The following EXOC2 variants were observed in gnomAD, a reference collection of about 807,000 sequenced individuals.
The protein encoded by EXOC2 is exocyst complex component 2.
Under a neutral mutation model 131.8 loss-of-function variants are expected in EXOC2, and 70 were observed. The observed-to-expected ratio is 0.53, with a 90% CI of 0.44 to 0.65. The LOEUF (loss-of-function observed/expected upper bound fraction) is 0.65. Among genes scored for constraint, EXOC2 ranks in the 30% least tolerant of loss-of-function variants. The pLI, the probability that EXOC2 is intolerant of heterozygous loss-of-function variation, is 0.00. For missense variants in EXOC2, 923 were observed against 1,108.6 expected, an observed-to-expected ratio of 0.83 and a Z score of 2.38; for synonymous variants, 411 against 398.4, an observed-to-expected ratio of 1.03 and a Z score of -0.38.
chr6:660,873 G>C (rs1227763273), intron 1 of EXOC2, among the ~76,000 whole-genome samples: 1 of 152,186 alleles, frequency 6.6e-6, no homozygotes, highest in Non-Finnish European at 1.5e-5. Context: ...TCAGGGAAAG[G>C]CGGAGCCCAA....
chr6:575,484 C>CT (rs780474398), intron 12 of EXOC2, among the ~76,000 whole-genome samples: 6 of 151,730 alleles, frequency 4.0e-5, no homozygotes, highest in Non-Finnish European at 8.8e-5. Flanking sequence ...CCCTCGCTCC[C>CT]TCTCCATCCT....
chr6:577,768 C>T (rs1314218396), intron 11 of EXOC2, among the ~76,000 whole-genome samples: 1 of 152,262 alleles, frequency 6.6e-6, no homozygotes, highest in East Asian at 1.9e-4. Context: ...AAAAATACAC[C>T]TTACATTTTG....
At chr6:515,771 G>GTGAC (rs1415603176) in intron 23 of EXOC2, among the ~76,000 whole-genome samples, 3 of 151,400 alleles carry the variant, frequency 2.0e-5, no homozygotes, top group South Asian at 2.1e-4. Context: ...AGAAGCCAGA[G>GTGAC]TGACTGTAAT....
chr6:683,382 A>G (rs937828722), intron 1 of EXOC2, among the ~76,000 whole-genome samples: 5 of 152,258 alleles, frequency 3.3e-5, no homozygotes, highest in African/African-American at 9.6e-5. Flanking sequence ...TTACTAAGCT[A>G]TTCATAATGA....
intron 12 of EXOC2, among the ~76,000 whole-genome samples, chr6:574,314 G>A (rs1212929393): frequency 6.6e-6 from 1 of 152,168 alleles, no homozygotes; most frequent in Non-Finnish European, 1.5e-5. Flanking sequence ...CCCTCTAAAG[G>A]AAGTATGCCC....
chr6:587,679 C>G (rs774944838), intron 11 of EXOC2, among the ~76,000 whole-genome samples: 1 of 152,210 alleles, frequency 6.6e-6, no homozygotes, highest in African/African-American at 2.4e-5. Flanking sequence ...TCCTTCCATC[C>G]GAGGAAACGT....
At chr6:676,846 C>T (rs1455135691) in intron 1 of EXOC2, among the ~76,000 whole-genome samples, 6 of 109,398 alleles carry the variant, frequency 5.5e-5, no homozygotes, top group East Asian at 2.9e-4. Context: ...GGTGACTCTG[C>T]GGTTCCCCAT....
At chr6:494,598 A>G (rs1763612267) in intron 25 of EXOC2, among the ~76,000 whole-genome samples, 1 of 152,136 alleles carries the variant, frequency 6.6e-6, no homozygotes, top group African/African-American at 2.4e-5. Context: ...GCCCCACCCT[A>G]GGAACCCCCA....
chr6:560,905 A>G (rs1484500277), intron 17 of EXOC2, among the ~76,000 whole-genome samples: 2 of 151,664 alleles, frequency 1.3e-5, no homozygotes, highest in South Asian at 2.1e-4. Flanking sequence ...ACAGGGTTTC[A>G]CCATGTTGGT....
At chr6:672,757 C>T (rs1227430430) in intron 1 of EXOC2, among the ~76,000 whole-genome samples, 6 of 152,158 alleles carry the variant, frequency 3.9e-5, no homozygotes, top group African/African-American at 1.4e-4. Flanking sequence ...GATTTTCAGT[C>T]TGTTTAGCTT....
At chr6:498,383 T>TGCA (rs1380949113) in intron 24 of EXOC2, among the ~76,000 whole-genome samples, 1 of 152,220 alleles carries the variant, frequency 6.6e-6, no homozygotes, top group Non-Finnish European at 1.5e-5. Context: ...AAGAAATGCT[T>TGCA]GCAACAACTG....
intron 27 of EXOC2, among the ~76,000 whole-genome samples, chr6:487,553 C>T (rs1385688516): frequency 6.6e-6 from 1 of 152,060 alleles, no homozygotes; most frequent in Non-Finnish European, 1.5e-5. Context: ...ACTACAGGTG[C>T]CCGCCACCAC....
intron 26 of EXOC2, among the ~76,000 whole-genome samples, chr6:490,563 GTCCTCA>G (rs1763374124): frequency 6.6e-6 from 1 of 152,206 alleles, no homozygotes; most frequent in African/African-American, 2.4e-5. Flanking sequence ...ATATTACAGT[GTCCTCA>G]AACATTTCAT....
In EXOC2 at chr6:610,107, C is replaced by T. The variant is rs1168443821; in HGVS notation, c.733G>A (p.Val245Ile). 2 of 1,613,946 alleles carry T rather than the reference C, an allele frequency of 1.2e-6. No individual in the cohort carries two copies. The highest frequency in any genetic ancestry group is 8.5e-7 in the Non-Finnish European group (1 of 1,179,928). Residue 245 changes from valine (V) to isoleucine (I), a missense_variant, in exon 7 of 28, where the codon GTT becomes ATT. Val to Ile is a conservative substitution (Grantham distance 29). Coordinates refer to ENST00000230449, the MANE Select transcript of EXOC2 (RefSeq NM_018303.6). ...GTAGGACAAAACTTACTGTTCAGAA[C>T]ATTCTCCAGTTTCTGCGTCATGGAT... Reference protein sequence around the residue: ...EGSMTQKLENVLNRASNTADT... With the variant: ...EGSMTQKLENILNRASNTADT...
intron 11 of EXOC2, among the ~76,000 whole-genome samples, chr6:578,400 T>G (rs1047680218): frequency 6.6e-6 from 1 of 152,096 alleles, no homozygotes; most frequent in Non-Finnish European, 1.5e-5. Context: ...ATTCTGGTGG[T>G]GGAGGCAGAA....
chr6:687,001 T>C (rs1287069295), intron 1 of EXOC2, among the ~76,000 whole-genome samples: 1 of 152,096 alleles, frequency 6.6e-6, no homozygotes, highest in East Asian at 1.9e-4. Context: ...CTATTGCCAG[T>C]AGTACCCAAT....
chr6:631,903 A>C lies in EXOC2; in HGVS notation c.295+1038T>G, dbSNP rs559595528. ...TTTTTATTTATAAAAATAATCTAGG[A>C]ATTTGTGGAGAACAATGCTGCAGAA... On this transcript the variant is annotated intron_variant, in intron 3 of 27. Coordinates refer to ENST00000230449, the MANE Select transcript of EXOC2 (RefSeq NM_018303.6). Among the ~76,000 whole-genome samples the C allele has an allele frequency of 1.3e-3, 196 of 152,356 alleles. 2 individuals are homozygous for C. Among genetic ancestry groups the C allele is most frequent in the African/African-American group, 4.6e-3 (193 of 41,582 alleles).
chr6:512,497 G>C (rs1764909927), intron 23 of EXOC2, among the ~76,000 whole-genome samples: 1 of 152,140 alleles, frequency 6.6e-6, no homozygotes. Context: ...CGTAAAATAT[G>C]TAACAGACTG....
At chr6:653,932 T>C (rs1173739220) in intron 1 of EXOC2, among the ~76,000 whole-genome samples, 1 of 152,238 alleles carries the variant, frequency 6.6e-6, no homozygotes, top group Admixed American at 6.5e-5. Context: ...CTGAAAATCC[T>C]AGGGCCCTTA....
Sources: allele counts gnomAD v4.1 joint callset (sites outside exome capture counted in the v4.1 genomes callset), GRCh38; gene constraint gnomAD v4.1.1; transcripts MANE v1.5; gene names NCBI Gene and HGNC (gene_info 2026-07-23, HGNC 2026-07-21).